The following DPPA4 variants were observed in gnomAD, a reference collection of about 807,000 sequenced individuals.
DPPA4 encodes the protein developmental pluripotency-associated protein 4.
DPPA4 carries 22 observed loss-of-function variants against 33.7 expected under a neutral mutation model. The ratio of observed to expected loss-of-function variants is 0.65; its 90% CI spans 0.47 to 0.93. The LOEUF (loss-of-function observed/expected upper bound fraction) is 0.93. DPPA4 is among the 40% of genes least tolerant of loss of function. The probability of loss-of-function intolerance (pLI) is 0.00; values close to 1 mark genes in which losing one functional copy is unlikely to be tolerated. For synonymous variants in DPPA4, 156 were observed against 132.3 expected (o/e 1.18, Z -1.23); for missense variants, 340 against 358.6 (o/e 0.95, Z 0.42).
At chr3:109,329,178 A>G in intron 5 of DPPA4, 90 bp from the exon 6 acceptor site, 2 of 1,125,156 alleles carry the variant, frequency 1.8e-6, no homozygotes, top group Non-Finnish European at 2.6e-6. Flanking sequence ...CCCTTGATTG[A>G]CCAGCTCCAA....
rs983545733 is a variant in DPPA4, at chr3:109,331,632, G to T, written c.390+102C>A. On this transcript the variant is annotated intron_variant, in intron 4 of 6. Transcript: ENST00000335658. ...ATATTGTTCTTTCTTAGAACTAGGG[G>T]TGGAGGAACAAGGTGAGGCTAAGAC... 169 of 915,462 alleles carry T rather than the reference G, an allele frequency of 1.8e-4. 1 individual carries two copies. Among genetic ancestry groups the T allele is most frequent in the Middle Eastern group, 3.2e-4 (1 of 3,116 alleles). 56.7% of individuals were successfully genotyped at this position (915,462 alleles called of 1,614,324 possible).
chr3:109,335,932 C>A (rs775945452), intron 1 of DPPA4, among the ~76,000 whole-genome samples: 63 of 151,628 alleles, frequency 4.2e-4, no homozygotes, highest in Non-Finnish European at 8.2e-4. Context: ...GTGGGCTGAC[C>A]GATTGAGGTC....
intron 5 of DPPA4, chr3:109,330,300 C>CAAAAAAAAAAAAAAA (rs71129042): frequency 3.4e-5 from 12 of 348,982 alleles, no homozygotes; most frequent in African/African-American, 1.0e-4. Context: ...GAAACTGTCT[C>CAAAAAAAAAAAAAAA]AAAAAAAAAA....
rs1304982203 is a variant in DPPA4 at position 109,327,798 on chromosome 3, GTC to G, written c.*188_*189del. 2.0e-6 allele frequency: 1 copy of G among 494,082 alleles called. No individual in the cohort carries two copies. The highest frequency in any genetic ancestry group is 3.1e-5 in the East Asian group (1 of 32,780). The allele number at this position is 494,082 out of a possible 1,614,324, so 30.6% of individuals were successfully genotyped here. A position where few individuals can be genotyped will look rare whatever the true frequency, so the allele number is the denominator to read the frequency against. On this transcript the variant is annotated 3_prime_UTR_variant, in exon 7 of 7. Coordinates refer to ENST00000335658, the MANE Select transcript of DPPA4 (RefSeq NM_018189.4). ...TGTTTTTCCATTTTTAAATGTAAGA[GTC>G]TCTATCTCCACTCACAAAGCAACAG...
chr3:109,337,224 T>G (rs1314670139), intron 1 of DPPA4, among the ~76,000 whole-genome samples: 1 of 151,642 alleles, frequency 6.6e-6, no homozygotes, highest in Non-Finnish European at 1.5e-5. Context: ...CCCCATCTTT[T>G]GACACACTCA....
At chr3:109,331,810 T>G (rs756945864) in intron 3 of DPPA4, 26 bp from the exon 4 acceptor site, 1 of 1,613,586 alleles carries the variant, frequency 6.2e-7, no homozygotes, top group Non-Finnish European at 8.5e-7. Flanking sequence ...ACTGAGTTAG[T>G]AAGGCAAATA....
At chr3:109,330,954 C>G in intron 4 of DPPA4, 142 bp from the exon 5 acceptor site, 1 of 827,358 alleles carries the variant, frequency 1.2e-6, no homozygotes, top group Admixed American at 2.9e-5. Flanking sequence ...GGTAACTATA[C>G]ATAGTTAATA....
chr3:109,334,034 C>T lies in DPPA4; in HGVS notation c.55-41G>A, dbSNP rs755299085. On this transcript the variant is annotated intron_variant, in intron 1 of 6. Coordinates refer to ENST00000335658, the MANE Select transcript of DPPA4 (RefSeq NM_018189.4). ...GCTGGTCAGTCATTCCTCTAGTGTCCAAACCACACATACACTACCTGCCTC... is the reference window on the plus strand; with the variant it reads ...GCTGGTCAGTCATTCCTCTAGTGTCTAAACCACACATACACTACCTGCCTC... The T allele has an allele frequency of 7.5e-6, 12 of 1,609,724 alleles. No homozygotes were observed. In the South Asian group the frequency reaches 1.2e-4, roughly 16 times the overall value.
At chr3:109,334,941 C>T (rs1288967104) in intron 1 of DPPA4, among the ~76,000 whole-genome samples, 1 of 152,180 alleles carries the variant, frequency 6.6e-6, no homozygotes, top group Non-Finnish European at 1.5e-5. Flanking sequence ...CTACTAAATA[C>T]TACCTCATTT....
intron 6 of DPPA4, among the ~76,000 whole-genome samples, chr3:109,328,620 T>G (rs1277914040): frequency 6.6e-6 from 1 of 152,254 alleles, no homozygotes; most frequent in Non-Finnish European, 1.5e-5. Flanking sequence ...TCATTATTTC[T>G]GTGTAGAGCA....
At chr3:109,337,945 G>T (rs1370860044), upstream of DPPA4, among the ~76,000 whole-genome samples, 1 of 152,164 alleles carries the variant, frequency 6.6e-6, no homozygotes, top group African/African-American at 2.4e-5. Context: ...CTTGAAGAAA[G>T]CTATTTTCTC....
At chr3:109,329,231 G>A in intron 5 of DPPA4, 143 bp from the exon 6 acceptor site, 1 of 731,732 alleles carries the variant, frequency 1.4e-6, no homozygotes, top group Non-Finnish European at 2.3e-6. Context: ...TCTCTATTCT[G>A]TTCTCCTTTA....
At chr3:109,337,434 A>C in intron 1 of DPPA4, 30 bp downstream of exon 1, 1 of 1,608,770 alleles carries the variant, frequency 6.2e-7, no homozygotes, top group Non-Finnish European at 8.5e-7. Context: ...AAAGACAGAC[A>C]GAAAACAAAT....
At chr3:109,334,063 A>G (rs965472023) in intron 1 of DPPA4, 70 bp from the exon 2 acceptor site, 7 of 1,573,070 alleles carry the variant, frequency 4.4e-6, no homozygotes, top group African/African-American at 4.1e-5. Flanking sequence ...CTGCCTCAAG[A>G]TAACTCACTT....
At chr3:109,337,578 C>A (rs1708241227), upstream of DPPA4, 1 of 1,482,866 alleles carries the variant, frequency 6.7e-7, no homozygotes, top group Non-Finnish European at 9.4e-7. Context: ...CACTTCCTGC[C>A]GCCCGAAGAC....
At chr3:109,338,084 G>C (rs757448147), upstream of DPPA4, among the ~76,000 whole-genome samples, 25 of 152,130 alleles carry the variant, frequency 1.6e-4, no homozygotes, top group Non-Finnish European at 3.7e-4. Context: ...AGTCTATAGA[G>C]TATTTGTTAT....
At chr3:109,339,421 T>C (rs190313077), upstream of DPPA4, among the ~76,000 whole-genome samples, 2 of 152,002 alleles carry the variant, frequency 1.3e-5, no homozygotes, top group African/African-American at 2.4e-5. Context: ...TGTGGGCATG[T>C]CTGGAGAAAA....
chr3:109,326,940 T>G lies in DPPA4; in HGVS notation c.*1048A>C, dbSNP rs1032240155. On this transcript the variant is annotated 3_prime_UTR_variant, in exon 7 of 7. Transcript: ENST00000335658. ...AATATGGTTCTCTAAATACAACAGA[T>G]GAATTATTTTACATACACATCTTAT... 3.3e-5 allele frequency: 5 copies of G among 152,206 alleles called. No homozygotes were observed. The highest frequency in any genetic ancestry group is 7.3e-5 in the Non-Finnish European group (5 of 68,036). 9.4% of individuals were successfully genotyped at this position (152,206 alleles called of 1,614,324 possible). A position where few individuals can be genotyped will look rare whatever the true frequency, so the allele number is the denominator to read the frequency against.
chr3:109,329,014 C>T lies in DPPA4; in HGVS notation c.754G>A (p.Ala252Thr). ...TTTTCTGGAACCCAGGCTTGACCAG[C>T]ATGAAACTGCAGGTGAACCCAACCA... ...TDGWVHLQFH[A>T]GQAWVPEKQE... Residue 252 changes from alanine (A) to threonine (T), a missense_variant, in exon 6 of 7, where the codon GCT (alanine) becomes ACT (threonine). Ala to Thr is a moderately conservative substitution (Grantham distance 58). Coordinates refer to ENST00000335658, the MANE Select transcript of DPPA4 (RefSeq NM_018189.4). The T allele has an allele frequency of 6.2e-7, 1 of 1,614,062 alleles. No individual in the cohort carries two copies. Among genetic ancestry groups the T allele is most frequent in the Non-Finnish European group, 8.5e-7 (1 of 1,180,022 alleles).
Sources: allele counts gnomAD v4.1 joint callset (sites outside exome capture counted in the v4.1 genomes callset), GRCh38; gene constraint gnomAD v4.1.1; transcripts MANE v1.5; gene names NCBI Gene and HGNC (gene_info 2026-07-23, HGNC 2026-07-21).